ATF7: variants seen among roughly 807,000 people sequenced by gnomAD.
ATF7 encodes activating transcription factor 7, also known as cyclic AMP-dependent transcription factor ATF-7.
A neutral mutation model predicts 50.4 loss-of-function variants in ATF7; 10 were observed. The observed-to-expected ratio is 0.20, with a 90% CI of 0.12 to 0.34. The LOEUF (loss-of-function observed/expected upper bound fraction) is 0.34. Ranked by LOEUF, ATF7 falls within the 10% of genes least tolerant of loss-of-function variation. The probability of loss-of-function intolerance (pLI) is 1.00; values close to 1 mark genes in which losing one functional copy is unlikely to be tolerated. For missense variants in ATF7, 465 were observed against 613.9 expected, an observed-to-expected ratio of 0.76 and a Z score of 2.56; for synonymous variants, 201 against 226.4, an observed-to-expected ratio of 0.89 and a Z score of 1.01.
intron 1 of ATF7, among the ~76,000 whole-genome samples, chr12:53,614,737 T>C (rs1944043634): frequency 6.6e-6 from 1 of 152,210 alleles, no homozygotes; most frequent in African/African-American, 2.4e-5. Flanking sequence ...CATGTAAGTG[T>C]AAAGTATTAC....
In ATF7 at chr12:53,523,352, G is replaced by C; in HGVS notation, c.1158C>G (p.Ala386=). 6.2e-7 allele frequency: 1 copy of C among 1,613,820 alleles called. No homozygotes were observed. The highest frequency in any genetic ancestry group is 8.5e-7 in the Non-Finnish European group (1 of 1,179,844). Reference sequence around the variant, plus strand: ...GAGCTAACAGTAGCTGTTTCAACTGGGCCACCTCATTGCGTAGTAATGTGA... The same window carrying C: ...GAGCTAACAGTAGCTGTTTCAACTGCGCCACCTCATTGCGTAGTAATGTGA... The part of the protein sequence containing the change: ...NEVTLLRNEV[A]QLKQLLLAHK... Residue 386 remains alanine, a synonymous_variant, in exon 11 of 12, where the codon GCC becomes GCG. Transcript: ENST00000420353.
intron 9 of ATF7, among the ~76,000 whole-genome samples, chr12:53,531,156 C>T (rs546844625): frequency 6.6e-6 from 1 of 151,982 alleles, no homozygotes; most frequent in African/African-American, 2.4e-5. Context: ...CATGGTGGCT[C>T]ACGCCTGGAA....
rs574343061 is a variant in ATF7, at chr12:53,546,463, T to C, written c.146-3015A>G. Among the ~76,000 whole-genome samples the C allele has an allele frequency of 8.5e-4, 87 of 102,634 alleles. 2 individuals carry two copies. In the East Asian group the frequency reaches 0.14, roughly 168 times the overall value. The allele number at this position is 102,634 out of a possible 152,430, so 67.3% of individuals were successfully genotyped here. ...GTTTTCTTTTCTTTCTTTCTTTTTT[T>C]TTTTTGAGACAGTCTTGCTTTGTCA... On this transcript the variant is annotated intron_variant, in intron 3 of 11. Coordinates refer to ENST00000420353, the MANE Select transcript of ATF7 (RefSeq NM_006856.3).
intron 8 of ATF7, 61 bp downstream of exon 8, chr12:53,532,449 G>C: frequency 1.5e-6 from 2 of 1,345,690 alleles, no homozygotes; most frequent in Non-Finnish European, 2.1e-6. Flanking sequence ...GAAAGACCTA[G>C]GCTGGTATCA....
rs933469402 is a variant in ATF7 at position 53,564,885 on chromosome 12, AT to A, written c.49-12249del. 3.3e-4 allele frequency among the ~76,000 whole-genome samples: 49 copies of A among 150,142 alleles called. 2 individuals carry two copies. The highest frequency in any genetic ancestry group is 1.1e-3 in the South Asian group (5 of 4,718). On this transcript the variant is annotated intron_variant, in intron 2 of 11. Transcript: ENST00000420353. ...TAAAACATTATCAGATTTTTTGGCGATTTTTTTTTTGTTTAGTTCATCAGCT... is the reference window on the plus strand; with the variant it reads ...TAAAACATTATCAGATTTTTTGGCGATTTTTTTTTGTTTAGTTCATCAGCT...
At chr12:53,579,543 C>T (rs2137686245) in intron 2 of ATF7, among the ~76,000 whole-genome samples, 1 of 146,752 alleles carries the variant, frequency 6.8e-6, no homozygotes. Context: ...CAGTGCGAAA[C>T]TCCGTCTCAA....
At chr12:53,518,926 C>T (rs1346253491) in intron 11 of ATF7, among the ~76,000 whole-genome samples, 1 of 150,656 alleles carries the variant, frequency 6.6e-6, no homozygotes, top group Non-Finnish European at 1.5e-5. Flanking sequence ...TGGTGGCGGG[C>T]GCCTGTTGTC....
At chr12:53,574,127 T>C (rs776908162) in intron 2 of ATF7, among the ~76,000 whole-genome samples, 3 of 152,202 alleles carry the variant, frequency 2.0e-5, no homozygotes, top group Non-Finnish European at 4.4e-5. Context: ...CAGTGAGATA[T>C]GACAGAACTG....
intron 8 of ATF7, 74 bp downstream of exon 8, chr12:53,532,436 C>T (rs1938957810): frequency 8.0e-7 from 1 of 1,251,444 alleles, no homozygotes; most frequent in Non-Finnish European, 1.1e-6. Context: ...GCTTGGCTCA[C>T]TTGAAAGACC....
intron 1 of ATF7, among the ~76,000 whole-genome samples, chr12:53,621,704 G>C (rs929552543): frequency 1.9e-4 from 28 of 149,458 alleles, no homozygotes; most frequent in Non-Finnish European, 4.4e-5. Flanking sequence ...CAGGAGAATC[G>C]CTTGAACCCG....
chr12:53,547,747 TTATGTATGTATGTATGTATGTATG>T (rs57447677), intron 3 of ATF7, among the ~76,000 whole-genome samples: 7 of 149,200 alleles, frequency 4.7e-5, no homozygotes, highest in African/African-American at 1.5e-4. Context: ...TCGGCTAATT[TTATGTATGTATGTATGTATGTATG>T]TATGTATGTA....
intron 3 of ATF7, chr12:53,543,719 C>T: frequency 2.6e-6 from 1 of 386,366 alleles, no homozygotes; most frequent in Non-Finnish European, 4.6e-6. Flanking sequence ...TCTCTCAGTG[C>T]TAGTTTTACC....
chr12:53,543,285 A>G, intron 4 of ATF7, 45 bp downstream of exon 4: 1 of 1,554,100 alleles, frequency 6.4e-7, no homozygotes, highest in Non-Finnish European at 8.7e-7. Flanking sequence ...AAAATAGCCT[A>G]GGTCTGAATA....
intron 1 of ATF7, among the ~76,000 whole-genome samples, chr12:53,603,262 A>T (rs1487956701): frequency 6.6e-6 from 1 of 152,176 alleles, no homozygotes. Context: ...GGCTTCCCTC[A>T]AACCACAAAA....
rs888555166 is a variant in ATF7, at chr12:53,512,642, G to A, written c.*4495C>T. ...AGAACATGGAGTGACCAGTCTGCAA[G>A]GGAATATGGGACAACTCCTGTCCAG... On this transcript the variant is annotated 3_prime_UTR_variant, in exon 12 of 12. Coordinates refer to ENST00000420353, the MANE Select transcript of ATF7 (RefSeq NM_006856.3). 6.6e-6 allele frequency: 1 copy of A among 152,170 alleles called. No individual in the cohort carries two copies. The highest frequency in any genetic ancestry group is 1.5e-5 in the Non-Finnish European group (1 of 68,038). The allele number at this position is 152,170 out of a possible 1,614,324, so 9.4% of individuals were successfully genotyped here.
At chr12:53,612,020 G>A (rs934643555) in intron 1 of ATF7, among the ~76,000 whole-genome samples, 4 of 152,124 alleles carry the variant, frequency 2.6e-5, no homozygotes, top group Non-Finnish European at 5.9e-5. Flanking sequence ...CTGTCACCCA[G>A]GCTGGAGTGC....
intron 2 of ATF7, among the ~76,000 whole-genome samples, chr12:53,557,689 T>C (rs1323809143): frequency 6.6e-6 from 1 of 152,220 alleles, no homozygotes; most frequent in East Asian, 1.9e-4. Context: ...CTCTCCTTTA[T>C]GCCAAGACTA....
chr12:53,609,718 T>C (rs765077748), intron 1 of ATF7, among the ~76,000 whole-genome samples: 1 of 151,818 alleles, frequency 6.6e-6, no homozygotes, highest in Non-Finnish European at 1.5e-5. Flanking sequence ...GTTTAGCATA[T>C]ATTATCTCAA....
chr12:53,508,876 T>C (rs1021039224), downstream of ATF7, among the ~76,000 whole-genome samples: 1 of 152,222 alleles, frequency 6.6e-6, no homozygotes, highest in African/African-American at 2.4e-5. Context: ...AGGAGCAGGC[T>C]ACTGTGGGGC....
Sources: gnomAD v4.1 joint callset for allele counts (sites outside exome capture counted in the v4.1 genomes callset) on GRCh38, gnomAD v4.1.1 for gene constraint, MANE v1.5 for transcripts, NCBI Gene and HGNC (gene_info 2026-07-23, HGNC 2026-07-21) for gene names.